The following TAS2R1 variants were observed in gnomAD, a reference collection of about 807,000 sequenced individuals.
TAS2R1 encodes the protein taste receptor type 2 member 1.
For synonymous variants in TAS2R1, 141 were observed against 134.2 expected, an observed-to-expected ratio of 1.05 and a Z score of -0.35; for missense variants, 370 against 353.4, an observed-to-expected ratio of 1.05 and a Z score of -0.38.
At chr5:9,868,214 G>A in the TAS2R1 span, among the ~76,000 whole-genome samples, 7 of 152,250 alleles carry the variant, frequency 4.6e-5, no homozygotes, top group African/African-American at 1.7e-4. Context: ...GGGACTCTGT[G>A]TAGGGGCTCT....
the TAS2R1 span, among the ~76,000 whole-genome samples, chr5:9,762,024 C>A: frequency 6.6e-6 from 1 of 152,214 alleles, no homozygotes; most frequent in African/African-American, 2.4e-5. Context: ...CCCACCATCA[C>A]TTCCTTGTCA....
the TAS2R1 span, among the ~76,000 whole-genome samples, chr5:9,814,645 T>C: frequency 4.1e-4 from 63 of 152,204 alleles, no homozygotes; most frequent in African/African-American, 1.5e-3. Flanking sequence ...ATCTGAATCA[T>C]TCAACAATGA....
upstream of TAS2R1, among the ~76,000 whole-genome samples, chr5:9,632,126 A>G (rs1386554946): frequency 6.6e-6 from 1 of 152,224 alleles, no homozygotes; most frequent in Non-Finnish European, 1.5e-5. Context: ...TAAATTCTAG[A>G]CCACCAAAAT....
the TAS2R1 span, among the ~76,000 whole-genome samples, chr5:9,725,972 C>A: frequency 7.1e-6 from 1 of 140,974 alleles, no homozygotes; most frequent in Admixed American, 7.0e-5. Flanking sequence ...ATACACCAAT[C>A]GGCACTCTGT....
At chr5:9,764,573 A>G in the TAS2R1 span, among the ~76,000 whole-genome samples, 1 of 152,216 alleles carries the variant, frequency 6.6e-6, no homozygotes, top group African/African-American at 2.4e-5. Context: ...AAATCTGAGA[A>G]GAATTAGAAT....
At chr5:9,725,340 G>C in the TAS2R1 span, among the ~76,000 whole-genome samples, 1 of 152,252 alleles carries the variant, frequency 6.6e-6, no homozygotes, top group Non-Finnish European at 1.5e-5. Context: ...GGGGCTGCGC[G>C]CGGAGCTTGT....
chr5:9,664,191 C>A (rs1740588616), intron 1 of TAS2R1, among the ~76,000 whole-genome samples: 3 of 152,170 alleles, frequency 2.0e-5, no homozygotes, highest in East Asian at 3.9e-4. Context: ...TGGCACTCCC[C>A]AACAAGCGAG....
chr5:9,672,965 A>C (rs1426731324), intron 1 of TAS2R1, among the ~76,000 whole-genome samples: 1 of 152,168 alleles, frequency 6.6e-6, no homozygotes, highest in African/African-American at 2.4e-5. Context: ...TACATAGCAT[A>C]TTAAGAATAA....
chr5:9,653,854 A>G (rs942506796), intron 2 of TAS2R1, among the ~76,000 whole-genome samples: 7 of 152,218 alleles, frequency 4.6e-5, no homozygotes. Context: ...GATAGGAGCC[A>G]CAACCACTCT....
the TAS2R1 span, among the ~76,000 whole-genome samples, chr5:9,840,424 A>T: frequency 6.6e-6 from 1 of 152,018 alleles, no homozygotes; most frequent in African/African-American, 2.4e-5. Context: ...ATTTTTAGTT[A>T]TTCATATCTT....
chr5:9,641,620 A>C (rs1348991102), intron 2 of TAS2R1: 2 of 152,244 alleles, frequency 1.3e-5, no homozygotes, highest in African/African-American at 4.8e-5. Context: ...GCTGGGGTGA[A>C]GACCCCCAAG....
intron 1 of TAS2R1, among the ~76,000 whole-genome samples, chr5:9,665,662 C>T (rs1740617554): frequency 1.3e-5 from 2 of 152,362 alleles, no homozygotes; most frequent in Middle Eastern, 3.4e-3. Context: ...AAATCCTCAG[C>T]CCTCTCATCA....
the TAS2R1 span, among the ~76,000 whole-genome samples, chr5:9,873,100 G>A: frequency 1.3e-5 from 2 of 152,200 alleles, no homozygotes; most frequent in African/African-American, 4.8e-5. Flanking sequence ...AAGAATTAAA[G>A]AGGCTAAATA....
At chr5:9,655,814 T>C (rs890817938) in intron 2 of TAS2R1, among the ~76,000 whole-genome samples, 1 of 151,720 alleles carries the variant, frequency 6.6e-6, no homozygotes, top group East Asian at 1.9e-4. Flanking sequence ...CTACATACCA[T>C]GTCTGACCCT....
chr5:9,662,296 G>T (rs1281465902), intron 1 of TAS2R1, among the ~76,000 whole-genome samples: 1 of 152,162 alleles, frequency 6.6e-6, no homozygotes, highest in Non-Finnish European at 1.5e-5. Context: ...AAATATCAAA[G>T]ATTTATTTTT....
At chr5:9,855,916 T>C in the TAS2R1 span, among the ~76,000 whole-genome samples, 5 of 152,236 alleles carry the variant, frequency 3.3e-5, no homozygotes, top group African/African-American at 1.2e-4. Context: ...CCCTACATTC[T>C]GATTGGTATC....
the TAS2R1 span, among the ~76,000 whole-genome samples, chr5:9,821,338 C>T: frequency 6.6e-5 from 10 of 152,248 alleles, no homozygotes; most frequent in African/African-American, 9.6e-5. Flanking sequence ...TTCACAAGCA[C>T]GGGACAGGAA....
the TAS2R1 span, among the ~76,000 whole-genome samples, chr5:9,720,476 T>C: frequency 1.3e-5 from 2 of 152,226 alleles, no homozygotes; most frequent in East Asian, 3.8e-4. Flanking sequence ...ACTGACCCAC[T>C]GTCATTTCAA....
chr5:9,760,101 T>C, the TAS2R1 span, among the ~76,000 whole-genome samples: 3 of 152,206 alleles, frequency 2.0e-5, no homozygotes, highest in Admixed American at 6.5e-5. Context: ...ATCTGATAAC[T>C]TGGTAAGACA....
Sources: allele counts gnomAD v4.1 joint callset (sites outside exome capture counted in the v4.1 genomes callset), GRCh38; gene constraint gnomAD v4.1.1; transcripts MANE v1.5; gene names NCBI Gene and HGNC (gene_info 2026-07-23, HGNC 2026-07-21).